PIP4K2A: variants seen among roughly 807,000 people sequenced by gnomAD.
PIP4K2A encodes phosphatidylinositol 5-phosphate 4-kinase type-2 alpha.
A neutral mutation model predicts 42.9 loss-of-function variants in PIP4K2A; 14 were observed. That is an observed-to-expected ratio of 0.33 (90% CI 0.22 to 0.51). PIP4K2A has a LOEUF of 0.51. Ranked by LOEUF, PIP4K2A falls within the 20% of genes least tolerant of loss-of-function variation. The pLI is 0.97. For synonymous variants in PIP4K2A, 192 were observed against 192.2 expected, an observed-to-expected ratio of 1.00 and a Z score of 0.01; for missense variants, 434 against 519.8, an observed-to-expected ratio of 0.83 and a Z score of 1.61.
chr10:22,689,065 T>C (rs1021554600), intron 1 of PIP4K2A, among the ~76,000 whole-genome samples: 5 of 152,212 alleles, frequency 3.3e-5, no homozygotes, highest in African/African-American at 1.2e-4. Flanking sequence ...TAGCAGATTT[T>C]TCTTCGAGGA....
chr10:22,573,521 A>G, intron 4 of PIP4K2A, 64 bp from the exon 5 acceptor site: 1 of 1,400,452 alleles, frequency 7.1e-7, no homozygotes, highest in Non-Finnish European at 9.9e-7. Flanking sequence ...CTTAGATGTA[A>G]AATACATACG....
intron 2 of PIP4K2A, among the ~76,000 whole-genome samples, chr10:22,608,594 G>C (rs943081919): frequency 6.6e-6 from 1 of 152,206 alleles, no homozygotes; most frequent in Admixed American, 6.5e-5. Flanking sequence ...GCCTGGCATG[G>C]TGGCTTACAC....
In PIP4K2A at chr10:22,540,090, A is replaced by T; in HGVS notation, c.1037-16T>A. On this transcript the variant is annotated splice_polypyrimidine_tract_variant and intron_variant, in intron 8 of 9. Transcript: ENST00000376573. ...CTAGGCGAGTCTGCAGAGACAGGAG[A>T]GCAATGACTGTGGGACATGTGACAA... 5 of 1,368,600 alleles carry T rather than the reference A, an allele frequency of 3.7e-6. No individual in the cohort carries two copies. The highest frequency in any genetic ancestry group is 5.2e-6 in the Non-Finnish European group (5 of 962,170). The allele number at this position is 1,368,600 out of a possible 1,614,324, so 84.8% of individuals were successfully genotyped here. A position where few individuals can be genotyped will look rare whatever the true frequency, so the allele number is the denominator to read the frequency against.
chr10:22,600,151 T>G (rs1441542556), intron 3 of PIP4K2A, among the ~76,000 whole-genome samples: 1 of 152,236 alleles, frequency 6.6e-6, no homozygotes, highest in East Asian at 1.9e-4. Context: ...CCAAGCATTT[T>G]GCATATTTAA....
In PIP4K2A at chr10:22,712,913, G is replaced by GGGGTGTGT. The variant is rs775265774; in HGVS notation, c.144+1269_144+1270insACACACCC. Among the ~76,000 whole-genome samples, 494 of 147,600 alleles carry GGGGTGTGT rather than the reference G, an allele frequency of 3.3e-3. 2 individuals are homozygous for GGGGTGTGT. The highest frequency in any genetic ancestry group is 0.011 in the African/African-American group (457 of 40,104). On this transcript the variant is annotated intron_variant, in intron 1 of 9. Coordinates refer to ENST00000376573, the MANE Select transcript of PIP4K2A (RefSeq NM_005028.5). ...TTTTAAACAACTTCACTACATTGAGGGTGTGTGTGTGTGTGTGTGTGTGTG... is the reference window on the plus strand; with the variant it reads ...TTTTAAACAACTTCACTACATTGAGGGGGTGTGTGTGTGTGTGTGTGTGTGTGTGTGTG...
At chr10:22,607,368 G>A (rs1452387867) in intron 3 of PIP4K2A, among the ~76,000 whole-genome samples, 2 of 152,196 alleles carry the variant, frequency 1.3e-5, no homozygotes, top group Admixed American at 6.5e-5. Flanking sequence ...AGAGGAAGAT[G>A]TACCACAGGA....
At chr10:22,617,127 G>A (rs1427163438) in intron 1 of PIP4K2A, among the ~76,000 whole-genome samples, 3 of 152,208 alleles carry the variant, frequency 2.0e-5, no homozygotes, top group African/African-American at 4.8e-5. Flanking sequence ...TACATCACAT[G>A]CAAGTTCCCT....
In PIP4K2A at chr10:22,606,496, G is replaced by A. The variant is rs768001100; in HGVS notation, c.339+1431C>T. 2.0e-5 allele frequency among the ~76,000 whole-genome samples: 3 copies of A among 152,138 alleles called. No individual in the cohort carries two copies. In the East Asian group the frequency reaches 5.8e-4, roughly 29 times the overall value. On this transcript the variant is annotated intron_variant, in intron 3 of 9. Coordinates refer to ENST00000376573, the MANE Select transcript of PIP4K2A (RefSeq NM_005028.5). Reference sequence around the variant, plus strand: ...CAGGCCATCATGAGACAATGTCACCGGCAGCCTGGTCAGCGCTGCTTTCTC... The same window carrying A: ...CAGGCCATCATGAGACAATGTCACCAGCAGCCTGGTCAGCGCTGCTTTCTC...
intron 6 of PIP4K2A, 99 bp from the exon 7 acceptor site, chr10:22,550,871 A>G: frequency 1.4e-6 from 1 of 738,208 alleles, no homozygotes; most frequent in Non-Finnish European, 2.4e-6. Context: ...TGCCCCTTTC[A>G]CCGCCCCCAC....
chr10:22,664,142 CATAT>C (rs1554807247), intron 1 of PIP4K2A, among the ~76,000 whole-genome samples: 1 of 27,960 alleles, frequency 3.6e-5, no homozygotes, highest in Non-Finnish European at 5.6e-5. Context: ...TATATATATA[CATAT>C]ATATACACAT....
At chr10:22,694,458 T>TG (rs1347211241) in intron 1 of PIP4K2A, 2 of 152,220 alleles carry the variant, frequency 1.3e-5, no homozygotes, top group Non-Finnish European at 2.9e-5. Flanking sequence ...ACCCCAAAAA[T>TG]GTTTTGTACC....
intron 1 of PIP4K2A, 149 bp downstream of exon 1, chr10:22,714,034 G>A: frequency 1.3e-6 from 1 of 783,726 alleles, no homozygotes; most frequent in Non-Finnish European, 2.0e-6. Flanking sequence ...ACGCGCCGCG[G>A]GGCTGGGGGC....
chr10:22,584,390 C>T (rs977067733), intron 4 of PIP4K2A, among the ~76,000 whole-genome samples: 3 of 151,578 alleles, frequency 2.0e-5, no homozygotes, highest in Middle Eastern at 3.4e-3. Context: ...AAGAATTCAC[C>T]CAGAATTGGG....
intron 5 of PIP4K2A, among the ~76,000 whole-genome samples, chr10:22,569,256 TG>T (rs1294541508): frequency 8.5e-5 from 13 of 152,232 alleles, no homozygotes; most frequent in Non-Finnish European, 1.0e-4. Context: ...CCCCCAGGAC[TG>T]GAAGATCCGA....
chr10:22,612,654 A>C (rs1194284848), intron 1 of PIP4K2A, among the ~76,000 whole-genome samples: 1 of 152,212 alleles, frequency 6.6e-6, no homozygotes, highest in African/African-American at 2.4e-5. Context: ...AAGTGCTGAA[A>C]TCTATGGGGC....
intron 1 of PIP4K2A, among the ~76,000 whole-genome samples, chr10:22,631,069 G>A (rs189544216): frequency 2.8e-4 from 43 of 152,170 alleles, no homozygotes; most frequent in Admixed American, 7.9e-4. Context: ...GGCCACACAC[G>A]GTATACTAAC....
chr10:22,673,756 C>T (rs1839501476), intron 1 of PIP4K2A, among the ~76,000 whole-genome samples: 1 of 152,168 alleles, frequency 6.6e-6, no homozygotes, highest in Non-Finnish European at 1.5e-5. Context: ...AGACCCTTAA[C>T]AAAATGACTG....
chr10:22,660,605 C>T (rs982362494), intron 1 of PIP4K2A, among the ~76,000 whole-genome samples: 2 of 152,032 alleles, frequency 1.3e-5, no homozygotes, highest in African/African-American at 4.8e-5. Flanking sequence ...AAACAAATAC[C>T]AAGCACAGCC....
intron 5 of PIP4K2A, among the ~76,000 whole-genome samples, chr10:22,570,220 T>G (rs1836952197): frequency 6.6e-6 from 1 of 152,228 alleles, no homozygotes; most frequent in East Asian, 1.9e-4. Context: ...TGTATCTTAT[T>G]TAATTCTCAA....
Sources: gnomAD v4.1 joint callset for allele counts (sites outside exome capture counted in the v4.1 genomes callset) on GRCh38, gnomAD v4.1.1 for gene constraint, MANE v1.5 for transcripts, NCBI Gene and HGNC (gene_info 2026-07-23, HGNC 2026-07-21) for gene names.